CKMT2: variants seen among roughly 807,000 people sequenced by gnomAD.
The protein encoded by CKMT2 is creatine kinase, mitochondrial 2, also known as creatine kinase S-type, mitochondrial.
A neutral mutation model predicts 48.9 loss-of-function variants in CKMT2; 43 were observed. The ratio of observed to expected loss-of-function variants is 0.88; its 90% CI spans 0.69 to 1.13. The LOEUF is 1.13. Among genes scored for constraint, CKMT2 ranks in the 50% most tolerant of loss-of-function variants. The probability of loss-of-function intolerance (pLI) is 0.00; values close to 1 mark genes in which losing one functional copy is unlikely to be tolerated. For synonymous variants in CKMT2, 206 were observed against 213.0 expected (o/e 0.97, Z 0.29); for missense variants, 472 against 555.4 (o/e 0.85, Z 1.51).
In CKMT2 at chr5:81,251,109, C is replaced by T. The variant is rs776455356; in HGVS notation, c.-20-4C>T. ...CTATCTAATCCAGCTTCTTTGCTTT[C>T]CAGACACTCATCCAAGAGGAAGGAT... On this transcript the variant is annotated splice_polypyrimidine_tract_variant and splice_region_variant and intron_variant, in intron 1 of 9. Transcript: ENST00000254035. 4.3e-6 allele frequency: 7 copies of T among 1,611,956 alleles called. No homozygotes were observed. The African/African-American group carries it at 8.0e-5, about 18-fold the overall frequency.
intron 1 of CKMT2, among the ~76,000 whole-genome samples, chr5:81,246,074 T>G (rs1039684267): frequency 6.6e-6 from 1 of 151,942 alleles, no homozygotes; most frequent in Non-Finnish European, 1.5e-5. Context: ...CTGGACAATG[T>G]CTAGGGCCTC....
chr5:81,257,976 AG>A, intron 7 of CKMT2, 120 bp downstream of exon 7: 1 of 948,798 alleles, frequency 1.1e-6, no homozygotes, highest in Non-Finnish European at 1.5e-6. Context: ...TAGAAATCAA[AG>A]CAACTGCCGC....
chr5:81,261,360 C>T (rs899088209), intron 8 of CKMT2, among the ~76,000 whole-genome samples: 1 of 152,120 alleles, frequency 6.6e-6, no homozygotes, highest in African/African-American at 2.4e-5. Context: ...CCAGGGCAAT[C>T]AGGCAAGAGA....
At chr5:81,249,039 G>A (rs1756707612) in intron 1 of CKMT2, among the ~76,000 whole-genome samples, 1 of 151,760 alleles carries the variant, frequency 6.6e-6, no homozygotes, top group African/African-American at 2.4e-5. Flanking sequence ...CAAATATGAG[G>A]GAAATCCATG....
chr5:81,241,696 G>C (rs1756441142), intron 1 of CKMT2, among the ~76,000 whole-genome samples: 1 of 152,204 alleles, frequency 6.6e-6, no homozygotes, highest in African/African-American at 2.4e-5. Flanking sequence ...ACTTTAGTTC[G>C]AGAACATGTA....
At chr5:81,256,288 C>G (rs932034217) in intron 5 of CKMT2, among the ~76,000 whole-genome samples, 9 of 152,170 alleles carry the variant, frequency 5.9e-5, no homozygotes, top group African/African-American at 2.2e-4. Context: ...CTGCTACTTC[C>G]TACAACCATC....
At chr5:81,235,217 ACTGT>A (rs1190980623) in intron 1 of CKMT2, among the ~76,000 whole-genome samples, 3 of 152,336 alleles carry the variant, frequency 2.0e-5, no homozygotes, top group South Asian at 4.1e-4. Context: ...CCTGCCTAGG[ACTGT>A]CTATTTGCTG....
chr5:81,255,051 G>A lies in CKMT2; in HGVS notation c.506G>A (p.Arg169His), dbSNP rs576895568. The change falls in exon 5 of 10, where the codon CGC becomes CAC. Residue 169 changes from arginine to histidine, a missense_variant. Coordinates refer to ENST00000254035, the MANE Select transcript of CKMT2 (RefSeq NM_001099735.2). ...YVLSSRVRTG[R>H]SIRGLSLPPA... is the part of the protein sequence containing the mutation. The stretch of plus-strand genomic sequence containing the variant: ...CTGTCTTCTCGGGTGCGCACTGGCC[G>A]CAGCATCCGTGGGCTGAGCCTGCCT... 1.7e-5 allele frequency: 28 copies of A among 1,613,924 alleles called. No homozygotes were observed. The highest frequency in any genetic ancestry group is 1.3e-4 in the East Asian group (6 of 44,866).
chr5:81,253,876 G>C (rs975710626), intron 3 of CKMT2, among the ~76,000 whole-genome samples: 1 of 152,198 alleles, frequency 6.6e-6, no homozygotes, highest in Non-Finnish European at 1.5e-5. Flanking sequence ...GGTCCGCATC[G>C]GGTGAGAGGT....
At chr5:81,255,326 G>A in intron 5 of CKMT2, 112 bp downstream of exon 5, 2 of 929,860 alleles carry the variant, frequency 2.2e-6, no homozygotes, top group Non-Finnish European at 1.7e-6. Flanking sequence ...GGAGCTTGCT[G>A]GGCTCCACCC....
intron 4 of CKMT2, 118 bp downstream of exon 4, chr5:81,254,609 C>T (rs1756933532): frequency 2.4e-6 from 2 of 838,036 alleles, no homozygotes; most frequent in Non-Finnish European, 1.9e-6. Flanking sequence ...AGCACTGTGA[C>T]TGCCCTGGCA....
At chr5:81,259,327 A>ATGATGGG in intron 8 of CKMT2, 73 bp downstream of exon 8, 1 of 1,371,184 alleles carries the variant, frequency 7.3e-7, no homozygotes, top group Non-Finnish European at 9.9e-7. Flanking sequence ...GAGGAAGAAA[A>ATGATGGG]CATCACTGCC....
chr5:81,242,494 C>G, intron 1 of CKMT2: 1 of 493,846 alleles, frequency 2.0e-6, no homozygotes, highest in South Asian at 1.6e-5. Flanking sequence ...TTGTCATCAA[C>G]CTTAATTAGG....
At chr5:81,245,459 C>G (rs1003048113) in intron 1 of CKMT2, 1 of 152,186 alleles carries the variant, frequency 6.6e-6, no homozygotes, top group Admixed American at 6.5e-5. Flanking sequence ...AGCAGGTACC[C>G]GATGGTTCCC....
intron 8 of CKMT2, among the ~76,000 whole-genome samples, chr5:81,261,298 C>T (rs1452790571): frequency 6.6e-6 from 1 of 152,192 alleles, no homozygotes; most frequent in Non-Finnish European, 1.5e-5. Context: ...CTGCACAAGA[C>T]AGGGATGCCC....
chr5:81,244,195 A>G (rs1484834078), intron 1 of CKMT2: 5 of 985,228 alleles, frequency 5.1e-6, no homozygotes, highest in Non-Finnish European at 6.0e-6. Flanking sequence ...AGAAGTCACA[A>G]GCCAAGTGAG....
At chr5:81,260,254 A>C (rs932925521) in intron 8 of CKMT2, among the ~76,000 whole-genome samples, 2 of 152,310 alleles carry the variant, frequency 1.3e-5, no homozygotes, top group Non-Finnish European at 1.5e-5. Flanking sequence ...GCAAATGCCC[A>C]CAGGAGAAAG....
chr5:81,247,809 A>G (rs551914417), intron 1 of CKMT2, among the ~76,000 whole-genome samples: 97 of 152,294 alleles, frequency 6.4e-4, no homozygotes, highest in African/African-American at 2.2e-3. Flanking sequence ...CAAAACCTGG[A>G]GTCTGTGTCA....
intron 1 of CKMT2, among the ~76,000 whole-genome samples, chr5:81,240,139 G>C (rs1561276240): frequency 6.6e-6 from 1 of 151,946 alleles, no homozygotes; most frequent in Non-Finnish European, 1.5e-5. Context: ...ATGACCCGCT[G>C]ACCGCCTGGA....
Sources: gnomAD v4.1 joint callset for allele counts (sites outside exome capture counted in the v4.1 genomes callset) on GRCh38, gnomAD v4.1.1 for gene constraint, MANE v1.5 for transcripts, NCBI Gene and HGNC (gene_info 2026-07-23, HGNC 2026-07-21) for gene names.